CACNA1E: variants seen among roughly 807,000 people sequenced by gnomAD.
CACNA1E encodes calcium voltage-gated channel subunit alpha1 E.
CACNA1E carries 40 observed loss-of-function variants against 259.2 expected under a neutral mutation model. The observed-to-expected ratio is 0.15, with a 90% CI of 0.12 to 0.20. The LOEUF (loss-of-function observed/expected upper bound fraction) is 0.20, where lower values mean the gene tolerates loss of function less well. CACNA1E is among the 10% of genes least tolerant of loss of function. The pLI is 1.00. For synonymous variants in CACNA1E, 1,104 were observed against 1,138.5 expected (o/e 0.97, Z 0.61); for missense variants, 1,874 against 3,040.1 (o/e 0.62, Z 9.02).
At chr1:181,724,696 C>T (rs190914837) in intron 17 of CACNA1E, among the ~76,000 whole-genome samples, 159 bp downstream of exon 17, 3 of 152,328 alleles carry the variant, frequency 2.0e-5, no homozygotes, top group East Asian at 3.9e-4. Flanking sequence ...ACACCCATGA[C>T]GGAAGGCTGG....
intron 1 of CACNA1E, among the ~76,000 whole-genome samples, chr1:181,386,312 G>A (rs1246540461): frequency 6.6e-6 from 1 of 151,982 alleles, no homozygotes; most frequent in Non-Finnish European, 1.5e-5. Flanking sequence ...AACAAAAGGG[G>A]CAGGGGAGGT....
At chr1:181,680,178 C>T (rs1649810262) in intron 7 of CACNA1E, among the ~76,000 whole-genome samples, 2 of 149,492 alleles carry the variant, frequency 1.3e-5, no homozygotes, top group African/African-American at 2.5e-5. Flanking sequence ...AGAGTCAAGA[C>T]CCAGGAGAAA....
intron 2 of CACNA1E, among the ~76,000 whole-genome samples, chr1:181,468,214 T>C (rs1571938816): frequency 6.6e-6 from 1 of 152,168 alleles, no homozygotes; most frequent in Admixed American, 6.5e-5. Context: ...AACAAAATAT[T>C]GTACTCGAGA....
At chr1:181,513,361 G>A (rs1325544761) in intron 3 of CACNA1E, among the ~76,000 whole-genome samples, 2 of 152,146 alleles carry the variant, frequency 1.3e-5, no homozygotes, top group Non-Finnish European at 2.9e-5. Context: ...ACATGTTATT[G>A]CATATTTTGG....
At chr1:181,321,734 G>A (rs1300018011) in intron 1 of CACNA1E, among the ~76,000 whole-genome samples, 1 of 152,188 alleles carries the variant, frequency 6.6e-6, no homozygotes, top group African/African-American at 2.4e-5. Flanking sequence ...ATGGCTGGGG[G>A]GAAAGGAGGC....
chr1:181,686,061 G>C (rs1650506200), intron 7 of CACNA1E, among the ~76,000 whole-genome samples: 1 of 147,172 alleles, frequency 6.8e-6, no homozygotes, highest in Admixed American at 6.7e-5. Flanking sequence ...GGGTAGTCTT[G>C]ACCAAGACCT....
At chr1:181,553,112 T>G (rs1648350218) in intron 3 of CACNA1E, among the ~76,000 whole-genome samples, 2 of 152,254 alleles carry the variant, frequency 1.3e-5, no homozygotes, top group Non-Finnish European at 2.9e-5. Context: ...TTTTACGATA[T>G]TGATTCTTCC....
intron 1 of CACNA1E, among the ~76,000 whole-genome samples, chr1:181,384,430 A>T (rs943620898): frequency 6.6e-6 from 1 of 152,026 alleles, no homozygotes; most frequent in Admixed American, 6.6e-5. Flanking sequence ...TCTTCACCCT[A>T]TTTTATTGGG....
At chr1:181,328,259 A>G (rs1264150565) in intron 1 of CACNA1E, among the ~76,000 whole-genome samples, 1 of 152,164 alleles carries the variant, frequency 6.6e-6, no homozygotes, top group African/African-American at 2.4e-5. Flanking sequence ...TGGAAAGGTA[A>G]GGAGCTCTCT....
At chr1:181,502,269 C>T (rs1553263401) in intron 1 of CACNA1E, among the ~76,000 whole-genome samples, 1 of 152,088 alleles carries the variant, frequency 6.6e-6, no homozygotes, top group Non-Finnish European at 1.5e-5. Flanking sequence ...GTATGGACTA[C>T]CCAAATAGGA....
rs200880723 is a variant in CACNA1E at position 181,372,829 on chromosome 1, T to TATA, written c.-14-40304_-14-40303insATA. Among the ~76,000 whole-genome samples the TATA allele has an allele frequency of 7.6e-4, 66 of 86,398 alleles. 1 individual carries two copies. Among genetic ancestry groups the TATA allele is most frequent in the African/African-American group, 2.6e-3 (62 of 24,196 alleles). 56.7% of individuals were successfully genotyped at this position (86,398 alleles called of 152,430 possible). On this transcript the variant is annotated intron_variant, in intron 1 of 11. Coordinates refer to the CACNA1E transcript ENST00000524607. Reference sequence around the variant, plus strand: ...TGTTGAATATATATATATATATATATTTTTTTTTTAACATGAAGGGATATT... The same window carrying TATA: ...TGTTGAATATATATATATATATATATATATTTTTTTTTAACATGAAGGGATATT...
At chr1:181,492,281 A>C (rs1664382146) in intron 1 of CACNA1E, among the ~76,000 whole-genome samples, 1 of 152,216 alleles carries the variant, frequency 6.6e-6, no homozygotes, top group African/African-American at 2.4e-5. Context: ...CTTTCTGAAG[A>C]GCATTCATTG....
intron 1 of CACNA1E, among the ~76,000 whole-genome samples, chr1:181,394,039 C>G (rs1283613766): frequency 6.6e-6 from 1 of 151,990 alleles, no homozygotes; most frequent in Non-Finnish European, 1.5e-5. Context: ...TGTAAGGTAC[C>G]CTGCAAGAGT....
chr1:181,707,758 T>C (rs908655636), intron 7 of CACNA1E, among the ~76,000 whole-genome samples: 2 of 152,078 alleles, frequency 1.3e-5, no homozygotes, highest in Non-Finnish European at 2.9e-5. Flanking sequence ...AACTATGACT[T>C]CTCCTAGTTA....
At chr1:181,766,642 G>A (rs1287568517) in intron 35 of CACNA1E, 31 bp downstream of exon 35, 4 of 1,504,062 alleles carry the variant, frequency 2.7e-6, no homozygotes, top group Non-Finnish European at 2.8e-6. Context: ...CCCGGTGGGG[G>A]ACAGCTGTTA....
At chr1:181,388,909 T>C (rs1317719509) in intron 1 of CACNA1E, among the ~76,000 whole-genome samples, 1 of 151,426 alleles carries the variant, frequency 6.6e-6, no homozygotes, top group Non-Finnish European at 1.5e-5. Context: ...AAAAAACGTG[T>C]TATGATCTTA....
At chr1:181,710,850 A>G (rs555152784) in intron 7 of CACNA1E, 104 bp from the exon 8 acceptor site, 1 of 803,318 alleles carries the variant, frequency 1.2e-6, no homozygotes, top group South Asian at 1.5e-5. Context: ...CATGGGCTTA[A>G]TAGAGGTACT....
At chr1:181,320,060 ACTCCC>A (rs1026014028) in intron 1 of CACNA1E, among the ~76,000 whole-genome samples, 2 of 151,804 alleles carry the variant, frequency 1.3e-5, no homozygotes, top group African/African-American at 4.8e-5. Flanking sequence ...TGAGTCTGGG[ACTCCC>A]AGGAGGCTGT....
Position 181,733,178 on chromosome 1 carries a change from A to T in CACNA1E, c.2948+144A>T, listed in dbSNP as rs72735236. The T allele has an allele frequency of 1.4e-3, 1,796 of 1,298,124 alleles. 3 individuals carry two copies. Among genetic ancestry groups the T allele is most frequent in the Non-Finnish European group, 1.7e-3 (1,660 of 977,672 alleles). 80.4% of individuals were successfully genotyped at this position (1,298,124 alleles called of 1,614,324 possible). The stretch of plus-strand genomic sequence containing the variant: ...CACACACTTTGTGAGGTATGAATAA[A>T]TATAACAGGCAGTGGGCTCTGTCCC... On this transcript the variant is annotated intron_variant, in intron 20 of 47. Transcript: ENST00000367573.
Sources: gnomAD v4.1 joint callset for allele counts (sites outside exome capture counted in the v4.1 genomes callset) on GRCh38, gnomAD v4.1.1 for gene constraint, MANE v1.5 for transcripts, NCBI Gene and HGNC (gene_info 2026-07-23, HGNC 2026-07-21) for gene names.